CORO7: variants seen among roughly 807,000 people sequenced by gnomAD.
The protein encoded by CORO7 is coronin-7.
CORO7 carries 107 observed loss-of-function variants against 126.6 expected under a neutral mutation model. That is an observed-to-expected ratio of 0.85 (90% confidence interval 0.72 to 0.99). The LOEUF is 0.99. CORO7 is among the 50% of genes least tolerant of loss of function. The probability of loss-of-function intolerance (pLI) is 0.00; values close to 1 mark genes in which losing one functional copy is unlikely to be tolerated. For synonymous variants in CORO7, 603 were observed against 536.8 expected, an observed-to-expected ratio of 1.12 and a Z score of -1.70; for missense variants, 1,314 against 1,255.8, an observed-to-expected ratio of 1.05 and a Z score of -0.70.
In CORO7 at chr16:4,382,820, G is replaced by A. The variant is rs1329973258; in HGVS notation, c.785+5166C>T. 4 of 1,597,596 alleles carry A rather than the reference G, an allele frequency of 2.5e-6. No individual in the cohort carries two copies. The South Asian group carries it at 3.4e-5, about 14-fold the overall frequency. ...GGCGGTGGAGAGGCCCTGCCCAGCG[G>A]GTCTGAGTGTGAGGTGCCACTCATG... On this transcript the variant is annotated intron_variant, in intron 9 of 27. Coordinates refer to ENST00000251166, the MANE Select transcript of CORO7 (RefSeq NM_024535.5).
chr16:4,387,393 T>C (rs2055230000), intron 9 of CORO7, among the ~76,000 whole-genome samples: 1 of 152,064 alleles, frequency 6.6e-6, no homozygotes. Flanking sequence ...AAGGATGAGG[T>C]GCACCTGGAG....
At position 4,365,003 on chromosome 16, in the gene CORO7, C is replaced by T. The variant is rs1173832153; in HGVS notation, c.898G>A (p.Val300Met). 1.9e-6 allele frequency: 3 copies of T among 1,605,978 alleles called. No homozygotes were observed. The highest frequency in any genetic ancestry group is 1.3e-5 in the African/African-American group (1 of 74,820). The change falls in exon 11 of 28, where the codon GTG becomes ATG. Residue 300 changes from valine (V) to methionine (M), a missense_variant and splice_region_variant. Transcript: ENST00000251166. ...VVPQQPALSP[V>M]TQCVLESVLR... is the part of the protein sequence containing the mutation. Reference sequence around the variant, plus strand: ...ATGGGGGCGAGGAAGCAAGGCTTACCTGGGCTCAGCGCCGGCTGCTGCGGG... The same window carrying T: ...ATGGGGGCGAGGAAGCAAGGCTTACTTGGGCTCAGCGCCGGCTGCTGCGGG...
In CORO7 at chr16:4,360,937, T is replaced by C. The variant is rs1414135532; in HGVS notation, c.1917+6A>G. The C allele has an allele frequency of 3.1e-6, 5 of 1,609,688 alleles. No individual in the cohort carries two copies. Among genetic ancestry groups the C allele is most frequent in the Middle Eastern group, 1.6e-4 (1 of 6,074 alleles). ...ACTGCTGGCCCCACCTCTGCAGCCG[T>C]CCTACCTGGTCTTGGTGGCCCTGCA... On this transcript the variant is annotated splice_donor_region_variant and intron_variant, in intron 19 of 27. Transcript: ENST00000251166.
chr16:4,382,006 C>T, intron 9 of CORO7: 3 of 1,605,778 alleles, frequency 1.9e-6, no homozygotes, highest in South Asian at 1.1e-5. Context: ...TAGCTTGGCT[C>T]CTACCTGGCT....
Position 4,355,063 on chromosome 16 carries a change from G to A in CORO7, c.*95C>T, listed in dbSNP as rs542663841. ...CAGGAGTGCAGGGGTGACATGTGCC[G>A]GGGCCAGAGAGGTATCTTCCAGCTT... On this transcript the variant is annotated 3_prime_UTR_variant, in exon 28 of 28. Transcript: ENST00000251166. 35 of 1,357,116 alleles carry A rather than the reference G, an allele frequency of 2.6e-5. 1 individual carries two copies. The East Asian group carries it at 2.8e-4, about 11-fold the overall frequency. 84.1% of individuals were successfully genotyped at this position (1,357,116 alleles called of 1,614,324 possible).
chr16:4,398,941 C>G (rs1371712815), intron 6 of CORO7, among the ~76,000 whole-genome samples: 1 of 150,986 alleles, frequency 6.6e-6, no homozygotes, highest in Non-Finnish European at 1.5e-5. Flanking sequence ...GCACTCCAGC[C>G]CAGGTGACAG....
chr16:4,356,959 G>C (rs1379185198), intron 26 of CORO7: 32 of 678,262 alleles, frequency 4.7e-5, no homozygotes, highest in Non-Finnish European at 7.1e-5. Context: ...GGCCTGGCCA[G>C]GGCAGGGCTC....
intron 9 of CORO7, among the ~76,000 whole-genome samples, chr16:4,384,236 G>T (rs780919375): frequency 3.3e-5 from 5 of 152,232 alleles, no homozygotes; most frequent in East Asian, 1.9e-4. Flanking sequence ...GCCTTGGGAT[G>T]CCCCCTCAGC....
intron 6 of CORO7, among the ~76,000 whole-genome samples, chr16:4,402,704 G>A (rs920528238): frequency 6.6e-6 from 1 of 152,204 alleles, no homozygotes; most frequent in Non-Finnish European, 1.5e-5. Context: ...AGGGTTCAGA[G>A]TGGGCACTGA....
chr16:4,407,644 G>C lies in CORO7; in HGVS notation c.344C>G (p.Pro115Arg). ...GCCCAGCACCACCCCGGGTGCTGAG[G>C]GCAGGGCCTGGCCAGGCCCTGGCAG... is the stretch of plus-strand genomic sequence containing the variant. ...WRLPGPGQAL[P>R]SAPGVVLGPE... Residue 115 changes from proline (P) to arginine (R), a missense_variant, in exon 5 of 28, where the codon CCC (proline) becomes CGC (arginine). By Grantham distance (103) the Pro-to-Arg change is moderately radical (BLOSUM62 -2). Coordinates refer to ENST00000251166, the MANE Select transcript of CORO7 (RefSeq NM_024535.5). 2 of 1,608,708 alleles carry C rather than the reference G, an allele frequency of 1.2e-6. No individual in the cohort carries two copies. Among genetic ancestry groups the C allele is most frequent in the Non-Finnish European group, 8.5e-7 (1 of 1,178,250 alleles).
At chr16:4,408,156 A>G (rs781746961) in intron 4 of CORO7, 25 bp downstream of exon 4, 17 of 1,613,918 alleles carry the variant, frequency 1.1e-5, no homozygotes, top group Non-Finnish European at 1.4e-5. Context: ...GACATAGAGC[A>G]GCTCTTCCAA....
At chr16:4,402,536 C>A (rs565143528) in intron 6 of CORO7, among the ~76,000 whole-genome samples, 1 of 152,184 alleles carries the variant, frequency 6.6e-6, no homozygotes, top group African/African-American at 2.4e-5. Flanking sequence ...CGTGAGCCAG[C>A]GACCGGCCAC....
At chr16:4,403,364 G>A (rs1287864314) in intron 6 of CORO7, among the ~76,000 whole-genome samples, 1 of 152,098 alleles carries the variant, frequency 6.6e-6, no homozygotes, top group Non-Finnish European at 1.5e-5. Flanking sequence ...GGTGGCAGCC[G>A]ACCCAGGGCT....
rs1335512879 is a variant in CORO7 at position 4,385,008 on chromosome 16, C to T, written c.785+2978G>A. Among the ~76,000 whole-genome samples the T allele has an allele frequency of 3.3e-5, 5 of 152,302 alleles. No individual in the cohort carries two copies. The South Asian group carries it at 1.0e-3, about 32-fold the overall frequency. Reference sequence around the variant, plus strand: ...GTGGCAGGGCCCAAAAAAAGGAAGCCTTCCCTGGAACAGTGTCTGGAGTGT... The same window carrying T: ...GTGGCAGGGCCCAAAAAAAGGAAGCTTTCCCTGGAACAGTGTCTGGAGTGT... On this transcript the variant is annotated intron_variant, in intron 9 of 27. Transcript: ENST00000251166.
chr16:4,380,757 T>A (rs1265529018), intron 9 of CORO7: 1 of 1,212,040 alleles, frequency 8.3e-7, no homozygotes, highest in East Asian at 2.6e-5. Flanking sequence ...ACCATTGGGT[T>A]CTCTTGCATT....
At chr16:4,379,880 TAAA>T (rs34020450) in intron 9 of CORO7, among the ~76,000 whole-genome samples, 5 of 109,206 alleles carry the variant, frequency 4.6e-5, no homozygotes, top group African/African-American at 3.7e-5. Flanking sequence ...CTGTCTCTAC[TAAA>T]AAAAAAAAAA....
intron 2 of CORO7, 136 bp downstream of exon 2, chr16:4,413,172 G>A: frequency 2.4e-6 from 2 of 850,026 alleles, no homozygotes; most frequent in Non-Finnish European, 1.8e-6. Context: ...CTGGCATGGG[G>A]CTCACCTCTG....
At chr16:4,405,655 G>GCA in intron 5 of CORO7, 88 bp from the exon 6 acceptor site, 1 of 1,497,560 alleles carries the variant, frequency 6.7e-7, no homozygotes, top group Non-Finnish European at 9.0e-7. Context: ...GGAACTCCCA[G>GCA]AGCAAAGGCA....
chr16:4,385,853 A>T (rs1445182885), intron 9 of CORO7, among the ~76,000 whole-genome samples: 1 of 152,260 alleles, frequency 6.6e-6, no homozygotes, highest in Non-Finnish European at 1.5e-5. Flanking sequence ...ATAAGGGCAC[A>T]CACTGTTCTG....
Sources: allele counts gnomAD v4.1 joint callset (sites outside exome capture counted in the v4.1 genomes callset), GRCh38; gene constraint gnomAD v4.1.1; transcripts MANE v1.5; gene names NCBI Gene and HGNC (gene_info 2026-07-23, HGNC 2026-07-21).